The following PLXDC2 variants were observed in gnomAD, a reference collection of about 807,000 sequenced individuals.
PLXDC2 encodes plexin domain containing 2.
A neutral mutation model predicts 68.9 loss-of-function variants in PLXDC2; 40 were observed. The ratio of observed to expected loss-of-function variants is 0.58; its 90% CI spans 0.45 to 0.76. The LOEUF is 0.76. PLXDC2 is among the 30% of genes least tolerant of loss of function. The pLI is 0.00. For missense variants in PLXDC2, 644 were observed against 661.9 expected (o/e 0.97, Z 0.30); for synonymous variants, 243 against 234.2 (o/e 1.04, Z -0.34).
intron 4 of PLXDC2, among the ~76,000 whole-genome samples, chr10:20,086,996 G>T (rs1833208187): frequency 6.6e-6 from 1 of 152,142 alleles, no homozygotes; most frequent in African/African-American, 2.4e-5. Flanking sequence ...AAAGGATAAA[G>T]AATACCTTCA....
chr10:19,896,481 G>A (rs1838060110), intron 1 of PLXDC2, among the ~76,000 whole-genome samples: 1 of 152,202 alleles, frequency 6.6e-6, no homozygotes, highest in Non-Finnish European at 1.5e-5. Flanking sequence ...TGAGTATAAA[G>A]TACCAGACAT....
intron 1 of PLXDC2, among the ~76,000 whole-genome samples, chr10:19,898,383 C>T (rs948570162): frequency 5.9e-5 from 9 of 152,140 alleles, no homozygotes; most frequent in South Asian, 4.1e-4. Flanking sequence ...CTCTTTCTCG[C>T]GCTGCACTTA....
chr10:20,044,124 C>A (rs1835734866), intron 2 of PLXDC2, among the ~76,000 whole-genome samples: 1 of 146,964 alleles, frequency 6.8e-6, no homozygotes, highest in Admixed American at 6.8e-5. Flanking sequence ...TCCTTCCTTC[C>A]TCCCTCCCTC....
At chr10:20,064,297 TGAAAGCTCCACCTCCCGG>T (rs1233252853) in intron 3 of PLXDC2, among the ~76,000 whole-genome samples, 3 of 151,684 alleles carry the variant, frequency 2.0e-5, no homozygotes, top group African/African-American at 7.3e-5. Flanking sequence ...CTTGGCTCAC[TGAAAGCTCCACCTCCCGG>T]GTTCATGCCA....
At chr10:20,074,686 GGGACTTGATTAATAACAGGAATAAAA>G (rs1405016347) in intron 4 of PLXDC2, among the ~76,000 whole-genome samples, 1 of 151,994 alleles carries the variant, frequency 6.6e-6, no homozygotes, top group African/African-American at 2.4e-5. Flanking sequence ...ACTCTTTATA[GGGACTTGATTAATAACAGGAATAAAA>G]GGCTTTTTAG....
chr10:20,126,858 T>C lies in PLXDC2; in HGVS notation c.542-16437T>C, dbSNP rs186362507. On this transcript the variant is annotated intron_variant, in intron 4 of 13. Coordinates refer to ENST00000377252, the MANE Select transcript of PLXDC2 (RefSeq NM_032812.9). The stretch of plus-strand genomic sequence containing the variant: ...TAATATATGATATATACATATATGT[T>C]ATGTATGTATATATAATATATGATA... 4.5e-3 allele frequency among the ~76,000 whole-genome samples: 666 copies of C among 147,336 alleles called. 10 individuals are homozygous for C. Among genetic ancestry groups the C allele is most frequent in the East Asian group, 0.019 (98 of 5,084 alleles).
intron 1 of PLXDC2, among the ~76,000 whole-genome samples, chr10:19,987,616 C>T (rs1834665138): frequency 6.6e-6 from 1 of 151,312 alleles, no homozygotes; most frequent in African/African-American, 2.4e-5. Flanking sequence ...GGCTGGAGTG[C>T]AGTGGCGCGA....
chr10:20,217,330 A>C lies in PLXDC2; in HGVS notation c.1123-96A>C, dbSNP rs578252819. The C allele has an allele frequency of 3.3e-5, 35 of 1,065,990 alleles. No homozygotes were observed. In the South Asian group the frequency reaches 7.8e-4, roughly 24 times the overall value. The allele number at this position is 1,065,990 out of a possible 1,614,324, so 66.0% of individuals were successfully genotyped here. ...AATTTATTCCTTGTCTTGATATGAG[A>C]GGCTTTTGTGCTTTACAGCCCAGCT... is the stretch of plus-strand genomic sequence containing the variant. On this transcript the variant is annotated intron_variant, in intron 10 of 13. Coordinates refer to ENST00000377252, the MANE Select transcript of PLXDC2 (RefSeq NM_032812.9).
intron 6 of PLXDC2, among the ~76,000 whole-genome samples, chr10:20,163,656 T>C (rs190810015): frequency 3.3e-5 from 5 of 152,172 alleles, no homozygotes; most frequent in African/African-American, 7.2e-5. Context: ...CCATTTTTGT[T>C]TCTGTAAAAC....
intron 4 of PLXDC2, 25 bp downstream of exon 4, chr10:20,068,264 C>T: frequency 6.4e-7 from 1 of 1,550,478 alleles, no homozygotes; most frequent in Non-Finnish European, 8.9e-7. Flanking sequence ...ACCCATTCAC[C>T]TTAAGTAATC....
intron 3 of PLXDC2, among the ~76,000 whole-genome samples, chr10:20,066,549 C>T (rs979031756): frequency 6.6e-6 from 1 of 152,168 alleles, no homozygotes; most frequent in African/African-American, 2.4e-5. Context: ...TGCCATTGAA[C>T]TCTTCCTTCA....
At chr10:20,133,354 A>G (rs900663985) in intron 4 of PLXDC2, among the ~76,000 whole-genome samples, 3 of 152,092 alleles carry the variant, frequency 2.0e-5, no homozygotes, top group Non-Finnish European at 4.4e-5. Context: ...ATTTCAACTT[A>G]AAGGTTCTCT....
At chr10:19,832,514 A>G (rs558718999) in intron 1 of PLXDC2, among the ~76,000 whole-genome samples, 1 of 152,364 alleles carries the variant, frequency 6.6e-6, no homozygotes, top group East Asian at 1.9e-4. Context: ...CTTAAAACAT[A>G]TGACATTTCA....
chr10:20,216,253 C>T lies in PLXDC2; in HGVS notation c.1123-1173C>T, dbSNP rs992150093. On this transcript the variant is annotated intron_variant, in intron 10 of 13. Coordinates refer to ENST00000377252, the MANE Select transcript of PLXDC2 (RefSeq NM_032812.9). ...TCAAAGAATAAGAAGAATTGGAGTTCGCAGGTACAGGGATAGATGGAAAAA... is the reference window on the plus strand; with the variant it reads ...TCAAAGAATAAGAAGAATTGGAGTTTGCAGGTACAGGGATAGATGGAAAAA... Among the ~76,000 whole-genome samples the T allele has an allele frequency of 2.0e-5, 3 of 152,148 alleles. No homozygotes were observed. The South Asian group carries it at 6.2e-4, about 32-fold the overall frequency.
intron 9 of PLXDC2, among the ~76,000 whole-genome samples, chr10:20,194,190 CTGTGTGTG>C (rs58142621): frequency 0.24 from 34,999 of 143,636 alleles, 5,102 homozygotes; most frequent in Middle Eastern, 0.35. Flanking sequence ...TTGAACTCAG[CTGTGTGTG>C]TGTGTGTGTG....
At chr10:20,147,721 C>T in intron 5 of PLXDC2, 63 bp from the exon 6 acceptor site, 6 of 1,024,020 alleles carry the variant, frequency 5.9e-6, no homozygotes, top group South Asian at 1.7e-5. Context: ...TGTGAAAACT[C>T]CCACCAGAAT....
chr10:20,045,732 C>G (rs1372443664), intron 2 of PLXDC2, among the ~76,000 whole-genome samples: 1 of 152,052 alleles, frequency 6.6e-6, no homozygotes, highest in Admixed American at 6.6e-5. Flanking sequence ...ATGAATTACA[C>G]AAAATTTACA....
At chr10:19,966,024 A>G (rs184320064) in intron 1 of PLXDC2, among the ~76,000 whole-genome samples, 47 of 152,148 alleles carry the variant, frequency 3.1e-4, no homozygotes, top group Admixed American at 9.2e-4. Context: ...AGGAAGTGCT[A>G]TTATAATCAC....
At chr10:20,182,861 G>T (rs1318191608) in intron 9 of PLXDC2, among the ~76,000 whole-genome samples, 2 of 151,780 alleles carry the variant, frequency 1.3e-5, no homozygotes, top group African/African-American at 2.4e-5. Flanking sequence ...CCTACTCCCT[G>T]ACAGGCCGTG....
Sources: allele counts gnomAD v4.1 joint callset (sites outside exome capture counted in the v4.1 genomes callset), GRCh38; gene constraint gnomAD v4.1.1; transcripts MANE v1.5; gene names NCBI Gene and HGNC (gene_info 2026-07-23, HGNC 2026-07-21).